The following ERC2 variants were observed in gnomAD, a reference collection of about 807,000 sequenced individuals.
The protein encoded by ERC2 is ERC protein 2.
A neutral mutation model predicts 114.8 loss-of-function variants in ERC2; 42 were observed. The ratio of observed to expected loss-of-function variants is 0.37; its 90% CI spans 0.29 to 0.47. The LOEUF (loss-of-function observed/expected upper bound fraction) is 0.47, where lower values mean the gene tolerates loss of function less well. ERC2 is among the 20% of genes least tolerant of loss of function. The pLI is 0.99. For synonymous variants in ERC2, 454 were observed against 425.5 expected, an observed-to-expected ratio of 1.07 and a Z score of -0.82; for missense variants, 939 against 1,150.7, an observed-to-expected ratio of 0.82 and a Z score of 2.66.
intron 2 of ERC2, among the ~76,000 whole-genome samples, chr3:56,335,373 CCATGATTTTACCAAAAAGACGT>C (rs1576478140): frequency 6.6e-6 from 1 of 152,108 alleles, no homozygotes; most frequent in East Asian, 1.9e-4. Context: ...CAGAATTTCT[CCATGATTTTACCAAAAAGACGT>C]GATGATTTTC....
chr3:56,364,501 C>G (rs1359329149), intron 2 of ERC2, among the ~76,000 whole-genome samples: 1 of 152,116 alleles, frequency 6.6e-6, no homozygotes, highest in Non-Finnish European at 1.5e-5. Flanking sequence ...TGTATTAACT[C>G]TATTTAAATA....
intron 3 of ERC2, among the ~76,000 whole-genome samples, chr3:56,247,248 T>C (rs1056238703): frequency 3.3e-5 from 5 of 152,218 alleles, no homozygotes; most frequent in Admixed American, 6.5e-5. Flanking sequence ...CCAACTCTTA[T>C]GCAATTAAAA....
chr3:55,517,355 C>A (rs531642540), intron 17 of ERC2, among the ~76,000 whole-genome samples: 65 of 146,062 alleles, frequency 4.5e-4, no homozygotes, highest in Middle Eastern at 3.7e-3. Context: ...GCAGGAGAAT[C>A]GCTTGAACCA....
At chr3:55,626,752 G>A (rs995218258) in intron 17 of ERC2, among the ~76,000 whole-genome samples, 2 of 152,224 alleles carry the variant, frequency 1.3e-5, no homozygotes, top group African/African-American at 4.8e-5. Flanking sequence ...AAGCTCCACA[G>A]TACTCACAAC....
intron 2 of ERC2, among the ~76,000 whole-genome samples, chr3:56,367,386 T>TC (rs1015898058): frequency 1.3e-5 from 2 of 152,164 alleles, no homozygotes; most frequent in Admixed American, 1.3e-4. Context: ...TAGTAAATTC[T>TC]CCCCCGCCTT....
At chr3:56,204,927 TG>T (rs2048627527) in intron 3 of ERC2, among the ~76,000 whole-genome samples, 2 of 44,856 alleles carry the variant, frequency 4.5e-5, no homozygotes, top group African/African-American at 1.2e-4. Flanking sequence ...CGTGTCTGTG[TG>T]TGTGTGTGTG....
chr3:56,121,201 G>C (rs1217280584), intron 6 of ERC2, among the ~76,000 whole-genome samples: 3 of 152,024 alleles, frequency 2.0e-5, no homozygotes, highest in African/African-American at 7.2e-5. Flanking sequence ...CTTAGTAAAT[G>C]TATATCTGTA....
rs1300606183 is a variant in ERC2 at position 55,952,169 on chromosome 3, ACACACACACACTCTCT to A, written c.2268-1625_2268-1610del. On this transcript the variant is annotated intron_variant, in intron 12 of 17. Transcript: ENST00000288221. ...CACACACACACACACACACACACAC[ACACACACACACTCTCT>A]CTCTCTCTCTCTCTATATATATATA... is the stretch of plus-strand genomic sequence containing the variant. 5.4e-4 allele frequency among the ~76,000 whole-genome samples: 33 copies of A among 61,288 alleles called. 1 individual carries two copies. The highest frequency in any genetic ancestry group is 0.01 in the Middle Eastern group (1 of 100). 40.2% of individuals were successfully genotyped at this position (61,288 alleles called of 152,430 possible). A position where few individuals can be genotyped will look rare whatever the true frequency, so the allele number is the denominator to read the frequency against.
intron 1 of ERC2, among the ~76,000 whole-genome samples, chr3:56,463,040 A>C (rs936956808): frequency 7.2e-5 from 11 of 152,282 alleles, no homozygotes; most frequent in Non-Finnish European, 1.3e-4. Context: ...CAGCCTGGGC[A>C]ACATGGGGAA....
At chr3:55,746,072 T>C (rs992174311) in intron 14 of ERC2, among the ~76,000 whole-genome samples, 1 of 152,212 alleles carries the variant, frequency 6.6e-6, no homozygotes, top group Non-Finnish European at 1.5e-5. Context: ...AAACCTTCCA[T>C]TGTTTATGTT....
chr3:55,801,338 G>A (rs1389027496), intron 14 of ERC2, among the ~76,000 whole-genome samples: 1 of 152,096 alleles, frequency 6.6e-6, no homozygotes, highest in Non-Finnish European at 1.5e-5. Flanking sequence ...GCACCTGAAG[G>A]GCTCAGAAAA....
At chr3:55,550,779 G>A (rs903171275) in intron 17 of ERC2, among the ~76,000 whole-genome samples, 3 of 152,182 alleles carry the variant, frequency 2.0e-5, no homozygotes, top group East Asian at 3.9e-4. Context: ...CACTTTGGGA[G>A]GCCAAGGCGG....
intron 7 of ERC2, among the ~76,000 whole-genome samples, chr3:56,036,475 G>T (rs2074809420): frequency 6.6e-6 from 1 of 152,172 alleles, no homozygotes; most frequent in Admixed American, 6.5e-5. Flanking sequence ...AAACTCTGAG[G>T]GGAGGGACCA....
At chr3:55,800,678 G>A (rs1188352166) in intron 14 of ERC2, among the ~76,000 whole-genome samples, 1 of 151,948 alleles carries the variant, frequency 6.6e-6, no homozygotes, top group African/African-American at 2.4e-5. Context: ...ATGAGTGAAC[G>A]GCACTAGATA....
chr3:55,931,563 G>A (rs1322550630), intron 13 of ERC2, among the ~76,000 whole-genome samples: 2 of 152,122 alleles, frequency 1.3e-5, no homozygotes, highest in African/African-American at 4.8e-5. Flanking sequence ...GAGAACACAT[G>A]GACACAGGGA....
At chr3:55,519,552 T>C (rs1284803286) in intron 17 of ERC2, among the ~76,000 whole-genome samples, 2 of 152,216 alleles carry the variant, frequency 1.3e-5, no homozygotes, top group African/African-American at 4.8e-5. Context: ...CTTAGTACCA[T>C]GAAAGTGTCC....
At chr3:56,076,999 G>A (rs1409507705) in intron 7 of ERC2, among the ~76,000 whole-genome samples, 2 of 152,164 alleles carry the variant, frequency 1.3e-5, no homozygotes, top group East Asian at 3.8e-4. Context: ...AAGTAATACT[G>A]CATGTCTGAC....
At chr3:55,543,162 G>C (rs1449760320) in intron 17 of ERC2, among the ~76,000 whole-genome samples, 4 of 152,108 alleles carry the variant, frequency 2.6e-5, no homozygotes, top group African/African-American at 4.8e-5. Context: ...GTCTCTGGGG[G>C]AGTGGAGGAG....
intron 3 of ERC2, among the ~76,000 whole-genome samples, chr3:56,286,347 G>A (rs866051240): frequency 2.1e-5 from 3 of 145,292 alleles, no homozygotes; most frequent in African/African-American, 7.6e-5. Context: ...CCAGGAGGCG[G>A]AGGTTGCAGT....
Sources: gnomAD v4.1 joint callset for allele counts (sites outside exome capture counted in the v4.1 genomes callset) on GRCh38, gnomAD v4.1.1 for gene constraint, MANE v1.5 for transcripts, NCBI Gene and HGNC (gene_info 2026-07-23, HGNC 2026-07-21) for gene names.